Variants in PPP4R2 observed in about 807,000 individuals in gnomAD.
PPP4R2 encodes protein phosphatase 4 regulatory subunit 2, also known as serine/threonine-protein phosphatase 4 regulatory subunit 2.
In PPP4R2, 13 loss-of-function variants were observed where a neutral mutation model predicts 47.2. The ratio of observed to expected loss-of-function variants is 0.28; its 90% confidence interval spans 0.18 to 0.44. The LOEUF (loss-of-function observed/expected upper bound fraction) is 0.44, where lower values mean the gene tolerates loss of function less well. Among genes scored for constraint, PPP4R2 ranks in the 20% least tolerant of loss-of-function variants. PPP4R2 has a pLI of 1.00. For missense variants in PPP4R2, 421 were observed against 491.2 expected, an observed-to-expected ratio of 0.86 and a Z score of 1.35; for synonymous variants, 151 against 163.3, an observed-to-expected ratio of 0.92 and a Z score of 0.57.
chr3:73,052,035 G>A (rs1486529786), intron 3 of PPP4R2, among the ~76,000 whole-genome samples: 2 of 152,094 alleles, frequency 1.3e-5, no homozygotes, highest in Non-Finnish European at 2.9e-5. Context: ...TTCCAAACAA[G>A]GCCTAGAAGA....
intron 7 of PPP4R2, among the ~76,000 whole-genome samples, chr3:73,064,517 T>G (rs1286397703): frequency 6.6e-6 from 1 of 152,208 alleles, no homozygotes; most frequent in Non-Finnish European, 1.5e-5. Context: ...CTTCAAATTT[T>G]CTGTATCACA....
At chr3:73,015,388 G>T (rs1342094210) in intron 2 of PPP4R2, among the ~76,000 whole-genome samples, 1 of 151,926 alleles carries the variant, frequency 6.6e-6, no homozygotes, top group African/African-American at 2.4e-5. Context: ...TGTTGGCCAT[G>T]CTGGTCTTGA....
At chr3:73,064,220 T>G (rs1191225284) in intron 7 of PPP4R2, 74 bp downstream of exon 7, 1 of 1,276,990 alleles carries the variant, frequency 7.8e-7, no homozygotes, top group Non-Finnish European at 1.1e-6. Context: ...TACTTATCAC[T>G]TACTATTTAT....
At chr3:73,024,756 A>G (rs1559554265) in intron 2 of PPP4R2, among the ~76,000 whole-genome samples, 1 of 152,084 alleles carries the variant, frequency 6.6e-6, no homozygotes, top group Non-Finnish European at 1.5e-5. Context: ...CCAAAATAAT[A>G]CTTGGCTTTT....
chr3:73,029,962 T>A (rs1702138529), intron 2 of PPP4R2, among the ~76,000 whole-genome samples: 1 of 152,190 alleles, frequency 6.6e-6, no homozygotes, highest in Non-Finnish European at 1.5e-5. Flanking sequence ...AAATGCAGAT[T>A]AGGTTTAGTG....
Position 73,044,995 on chromosome 3 carries a change from T to C in PPP4R2, c.117-2191T>C, listed in dbSNP as rs912576162. ...AATTTTGTTGCTTGTGCTTTTGGTA[T>C]CACACAGTATCTTTAAGAGACAGGG... On this transcript the variant is annotated intron_variant, in intron 2 of 8. Coordinates refer to ENST00000356692, the MANE Select transcript of PPP4R2 (RefSeq NM_174907.4). Among the ~76,000 whole-genome samples the C allele has an allele frequency of 1.8e-4, 27 of 152,188 alleles. 1 individual carries two copies. Among genetic ancestry groups the C allele is most frequent in the Non-Finnish European group, 4.4e-5 (3 of 68,028 alleles).
intron 1 of PPP4R2, 40 bp downstream of exon 1, chr3:72,997,111 T>G (rs1244271233): frequency 3.8e-6 from 5 of 1,314,886 alleles, no homozygotes; most frequent in Non-Finnish European, 4.9e-6. Context: ...CCTCACCTTC[T>G]CCGGCTCGCT....
intron 3 of PPP4R2, among the ~76,000 whole-genome samples, chr3:73,050,155 G>C (rs1169374999): frequency 6.6e-6 from 1 of 152,018 alleles, no homozygotes; most frequent in East Asian, 1.9e-4. Context: ...AGTAGAGACG[G>C]GGTTTTACCA....
rs1282891702 is a variant in PPP4R2, at chr3:73,067,132, AC to A, written c.*1411del. On this transcript the variant is annotated 3_prime_UTR_variant, in exon 9 of 9. Transcript: ENST00000356692. ...ATAATTGTATAATTTCTGTGTGTAA[AC>A]TGAATGCTTGGGCTTTCAATACAGT... is the stretch of plus-strand genomic sequence containing the variant. The A allele has an allele frequency of 6.6e-6, 1 of 152,126 alleles. No homozygotes were observed. The highest frequency in any genetic ancestry group is 1.5e-5 in the Non-Finnish European group (1 of 67,962). The allele number at this position is 152,126 out of a possible 1,614,324, so 9.4% of individuals were successfully genotyped here.
chr3:73,001,510 G>T (rs976485579), intron 2 of PPP4R2, among the ~76,000 whole-genome samples: 1 of 152,188 alleles, frequency 6.6e-6, no homozygotes. Context: ...GGAGGTTGAG[G>T]CTGCAGTGAG....
At chr3:73,064,218 A>G (rs1702935630) in intron 7 of PPP4R2, 72 bp downstream of exon 7, 1 of 1,293,004 alleles carries the variant, frequency 7.7e-7, no homozygotes, top group Non-Finnish European at 1.1e-6. Context: ...AGTACTTATC[A>G]CTTACTATTT....
intron 2 of PPP4R2, among the ~76,000 whole-genome samples, chr3:73,007,034 G>A (rs933644411): frequency 1.3e-5 from 2 of 152,116 alleles, no homozygotes; most frequent in African/African-American, 4.8e-5. Context: ...TCAGCCATAA[G>A]GTTTTAGAGA....
chr3:73,032,176 CAAAA>C (rs1168073414), intron 2 of PPP4R2, among the ~76,000 whole-genome samples: 3 of 152,072 alleles, frequency 2.0e-5, no homozygotes, highest in African/African-American at 7.2e-5. Context: ...ATAAAGGTCA[CAAAA>C]AAGTCTGTGT....
chr3:73,027,696 GAATA>G (rs1702093630), intron 2 of PPP4R2: 3 of 150,774 alleles, frequency 2.0e-5, no homozygotes, highest in Non-Finnish European at 2.9e-5. Flanking sequence ...TTGTGTGTGT[GAATA>G]AATATGTGAG....
At chr3:73,020,782 C>A (rs1174240935) in intron 2 of PPP4R2, among the ~76,000 whole-genome samples, 1 of 151,932 alleles carries the variant, frequency 6.6e-6, no homozygotes, top group Non-Finnish European at 1.5e-5. Flanking sequence ...CTCACCTTGG[C>A]CTCCTAAAGT....
At chr3:73,005,199 C>G (rs1701581126) in intron 2 of PPP4R2, among the ~76,000 whole-genome samples, 1 of 151,992 alleles carries the variant, frequency 6.6e-6, no homozygotes, top group Non-Finnish European at 1.5e-5. Context: ...CCTTCGCCTC[C>G]CAAAGTGTCA....
At chr3:73,046,353 T>G (rs1169467403) in intron 2 of PPP4R2, among the ~76,000 whole-genome samples, 1 of 152,174 alleles carries the variant, frequency 6.6e-6, no homozygotes, top group Non-Finnish European at 1.5e-5. Flanking sequence ...TAAATTTGTT[T>G]AAGTAGTCAA....
rs903483191 is a variant in PPP4R2, at chr3:73,068,815, GA to G, written c.*3100del. 2.0e-5 allele frequency: 3 copies of G among 152,052 alleles called. No homozygotes were observed. Among genetic ancestry groups the G allele is most frequent in the African/African-American group, 4.8e-5 (2 of 41,414 alleles). The allele number at this position is 152,052 out of a possible 1,614,324, so 9.4% of individuals were successfully genotyped here. On this transcript the variant is annotated 3_prime_UTR_variant, in exon 9 of 9. Coordinates refer to ENST00000356692, the MANE Select transcript of PPP4R2 (RefSeq NM_174907.4). ...TAAAGCTGCTACAATGTTTGATTATGAAAAAAATGTAACATGGTAAGGATGA... is the reference window on the plus strand; with the variant it reads ...TAAAGCTGCTACAATGTTTGATTATGAAAAAATGTAACATGGTAAGGATGA...
chr3:73,045,413 T>C (rs373761306), intron 2 of PPP4R2, among the ~76,000 whole-genome samples: 12 of 152,312 alleles, frequency 7.9e-5, no homozygotes, highest in African/African-American at 2.6e-4. Flanking sequence ...CTTTTAGTTT[T>C]TTGCTTAGAA....
Sources: gnomAD v4.1 joint callset for allele counts (sites outside exome capture counted in the v4.1 genomes callset) on GRCh38, gnomAD v4.1.1 for gene constraint, MANE v1.5 for transcripts, NCBI Gene and HGNC (gene_info 2026-07-23, HGNC 2026-07-21) for gene names.